The following IGSF11 variants were observed in gnomAD, a reference collection of about 807,000 sequenced individuals.
The protein encoded by IGSF11 is CXADR like 1.
In IGSF11, 22 loss-of-function variants were observed where a neutral mutation model predicts 41.0. That is an observed-to-expected ratio of 0.54 (90% confidence interval 0.38 to 0.77). The LOEUF (loss-of-function observed/expected upper bound fraction) is 0.77, where lower values mean the gene tolerates loss of function less well. Ranked by LOEUF, IGSF11 falls within the 30% of genes least tolerant of loss-of-function variation. The pLI is 0.00. For synonymous variants in IGSF11, 219 were observed against 201.3 expected (o/e 1.09, Z -0.74); for missense variants, 444 against 530.8 (o/e 0.84, Z 1.61).
intron 1 of IGSF11, among the ~76,000 whole-genome samples, chr3:119,005,502 C>T (rs1044446107): frequency 4.7e-4 from 69 of 147,384 alleles, no homozygotes; most frequent in Non-Finnish European, 2.2e-4. Context: ...TTAATCCTGT[C>T]ATTATGATGT....
At chr3:118,923,282 C>T (rs1245951506) in intron 4 of IGSF11, among the ~76,000 whole-genome samples, 5 of 152,192 alleles carry the variant, frequency 3.3e-5, no homozygotes, top group Admixed American at 1.3e-4. Context: ...GCACAGTAAA[C>T]TTGCTTCACA....
At chr3:118,978,900 G>A (rs968833510) in intron 1 of IGSF11, among the ~76,000 whole-genome samples, 1 of 152,138 alleles carries the variant, frequency 6.6e-6, no homozygotes. Flanking sequence ...AAACCTGCAA[G>A]GGAACACGTT....
At position 119,034,443 on chromosome 3, in the gene IGSF11, G is replaced by A. The variant is rs1317151740; in HGVS notation, c.52+88C>T. 3.2e-6 allele frequency: 4 copies of A among 1,250,602 alleles called. No homozygotes were observed. In the African/African-American group the frequency reaches 4.7e-5, roughly 15 times the overall value. The allele number at this position is 1,250,602 out of a possible 1,614,324, so 77.5% of individuals were successfully genotyped here. A position where few individuals can be genotyped will look rare whatever the true frequency, so the allele number is the denominator to read the frequency against. ...GACTCCCGACCCTCGGCAAAGCAAG[G>A]AGGCTCTTTGCCGTCCCCAAACAGC... On this transcript the variant is annotated intron_variant, in intron 1 of 6. Transcript: ENST00000393775.
chr3:118,928,302 G>GTA (rs2107529700), intron 3 of IGSF11, among the ~76,000 whole-genome samples: 1 of 152,276 alleles, frequency 6.6e-6, no homozygotes, highest in African/African-American at 2.4e-5. Context: ...CATTAAATAA[G>GTA]TAAGTTTTAG....
At chr3:118,911,783 C>T (rs1006217569) in intron 4 of IGSF11, among the ~76,000 whole-genome samples, 4 of 152,046 alleles carry the variant, frequency 2.6e-5, no homozygotes, top group Non-Finnish European at 2.9e-5. Context: ...GTTACAACCA[C>T]GCCAAAAGAA....
At chr3:118,975,527 C>T (rs41523948) in intron 1 of IGSF11, among the ~76,000 whole-genome samples, 14,035 of 152,176 alleles carry the variant, frequency 0.092, 1,298 homozygotes, top group African/African-American at 0.24. Context: ...ATCCAAAACA[C>T]TGTTAGCCCC....
intron 1 of IGSF11, among the ~76,000 whole-genome samples, chr3:119,047,503 C>T (rs958409824): frequency 1.3e-5 from 2 of 152,132 alleles, no homozygotes; most frequent in Non-Finnish European, 2.9e-5. Context: ...AAAGCAAGTC[C>T]TGAGTGACCT....
At chr3:119,061,859 G>C (rs916469830) in intron 1 of IGSF11, among the ~76,000 whole-genome samples, 2 of 151,166 alleles carry the variant, frequency 1.3e-5, no homozygotes, top group Non-Finnish European at 2.9e-5. Context: ...TAGAGATTTG[G>C]GCATGTCTAT....
At chr3:119,114,654 C>T (rs1039958151) in intron 1 of IGSF11, among the ~76,000 whole-genome samples, 2 of 152,188 alleles carry the variant, frequency 1.3e-5, no homozygotes, top group African/African-American at 4.8e-5. Flanking sequence ...TAGGAAGTTC[C>T]AAACTTTCCC....
intron 1 of IGSF11, chr3:119,112,835 T>G (rs1180119708): frequency 6.6e-6 from 1 of 152,242 alleles, no homozygotes; most frequent in Non-Finnish European, 1.5e-5. Flanking sequence ...AAGAACTACC[T>G]GAGTCTGGGT....
chr3:119,061,165 CATT>C (rs1435783520), intron 1 of IGSF11, among the ~76,000 whole-genome samples: 3 of 152,174 alleles, frequency 2.0e-5, no homozygotes, highest in South Asian at 2.1e-4. Flanking sequence ...TATATCTAAT[CATT>C]ATTATTACCA....
chr3:118,945,924 C>T (rs952103808), intron 1 of IGSF11: 2 of 152,040 alleles, frequency 1.3e-5, no homozygotes, highest in East Asian at 3.9e-4. Context: ...AGAATTAGCT[C>T]CTCTGTGTAA....
At chr3:119,065,110 T>C (rs746520155) in intron 1 of IGSF11, among the ~76,000 whole-genome samples, 2 of 152,232 alleles carry the variant, frequency 1.3e-5, no homozygotes, top group Admixed American at 6.5e-5. Context: ...TTTGAATATT[T>C]TATCTTTTCA....
chr3:119,104,391 A>G (rs2076987393), intron 1 of IGSF11, among the ~76,000 whole-genome samples: 2 of 152,126 alleles, frequency 1.3e-5, no homozygotes, highest in Admixed American at 1.3e-4. Context: ...CCAAGCATGT[A>G]ATATGTTCTT....
intron 1 of IGSF11, among the ~76,000 whole-genome samples, chr3:118,974,802 T>C (rs927187318): frequency 5.9e-5 from 9 of 152,184 alleles, no homozygotes; most frequent in African/African-American, 2.2e-4. Flanking sequence ...ATCTTTCTCT[T>C]ATCATTTTCT....
chr3:118,940,853 A>G (rs1943629186), intron 1 of IGSF11, among the ~76,000 whole-genome samples: 1 of 151,448 alleles, frequency 6.6e-6, no homozygotes, highest in Non-Finnish European at 1.5e-5. Flanking sequence ...ATTCAGGGGG[A>G]AAAGTTTACT....
chr3:119,109,123 T>A (rs538612366), upstream of IGSF11, among the ~76,000 whole-genome samples: 2 of 139,054 alleles, frequency 1.4e-5, no homozygotes, highest in East Asian at 4.1e-4. Flanking sequence ...TAGGGAGGAT[T>A]CCCTCTTTTT....
intron 1 of IGSF11, among the ~76,000 whole-genome samples, chr3:119,019,679 T>C (rs1939100492): frequency 6.6e-6 from 1 of 152,096 alleles, no homozygotes; most frequent in Admixed American, 6.6e-5. Context: ...TGCTGGAGAA[T>C]ATCTTGACAG....
intron 1 of IGSF11, chr3:119,145,802 A>G (rs965904783): frequency 1.7e-5 from 3 of 179,834 alleles, no homozygotes; most frequent in Non-Finnish European, 3.5e-5. Context: ...TGTTAATCAG[A>G]GGAGCAGTAC....
Sources: allele counts gnomAD v4.1 joint callset (sites outside exome capture counted in the v4.1 genomes callset), GRCh38; gene constraint gnomAD v4.1.1; transcripts MANE v1.5; gene names NCBI Gene and HGNC (gene_info 2026-07-23, HGNC 2026-07-21).